GFM1: variants seen among roughly 807,000 people sequenced by gnomAD.
The protein encoded by GFM1 is G elongation factor mitochondrial 1, also known as elongation factor G, mitochondrial.
Under a neutral mutation model 96.2 loss-of-function variants are expected in GFM1, and 62 were observed. The ratio of observed to expected loss-of-function variants is 0.64; its 90% CI spans 0.53 to 0.80. The LOEUF is 0.80. Ranked by LOEUF, GFM1 falls within the 30% of genes least tolerant of loss-of-function variation. The probability of loss-of-function intolerance (pLI) is 0.00; values close to 1 mark genes in which losing one functional copy is unlikely to be tolerated. For synonymous variants in GFM1, 282 were observed against 312.9 expected (o/e 0.90, Z 1.04); for missense variants, 852 against 916.6 (o/e 0.93, Z 0.91).
intron 15 of GFM1, among the ~76,000 whole-genome samples, chr3:158,689,675 G>C (rs1262916913): frequency 6.6e-6 from 1 of 151,520 alleles, no homozygotes; most frequent in Non-Finnish European, 1.5e-5. Context: ...GCTGAGGCAG[G>C]AGAATTGCTT....
intron 13 of GFM1, among the ~76,000 whole-genome samples, chr3:158,675,251 A>G (rs2108078401): frequency 7.4e-6 from 1 of 135,020 alleles, no homozygotes; most frequent in Non-Finnish European, 1.5e-5. Flanking sequence ...ATGCCACTGC[A>G]CTCCAGCCTG....
chr3:158,688,492 C>A (rs1352762977), intron 15 of GFM1, among the ~76,000 whole-genome samples: 1 of 152,144 alleles, frequency 6.6e-6, no homozygotes, highest in Non-Finnish European at 1.5e-5. Context: ...TTCCCTTTAC[C>A]CTTTCACAAT....
rs1726443948 is a variant in GFM1 at position 158,693,597 on chromosome 3, A to C, written c.*2130A>C. On this transcript the variant is annotated 3_prime_UTR_variant, in exon 18 of 18. Transcript: ENST00000486715. Reference sequence around the variant, plus strand: ...TATAGTTGGCAAAGATCACATACCAACCAAAGTCTGTAGCATGGAAAAAAA... The same window carrying C: ...TATAGTTGGCAAAGATCACATACCACCCAAAGTCTGTAGCATGGAAAAAAA... 1 of 152,178 alleles carries C rather than the reference A, an allele frequency of 6.6e-6. No individual in the cohort carries two copies. Among genetic ancestry groups the C allele is most frequent in the South Asian group, 2.1e-4 (1 of 4,824 alleles). The allele number at this position is 152,178 out of a possible 1,614,324, so 9.4% of individuals were successfully genotyped here. A position where few individuals can be genotyped will look rare whatever the true frequency, so the allele number is the denominator to read the frequency against.
chr3:158,666,462 C>A, intron 13 of GFM1, 76 bp downstream of exon 13: 1 of 1,290,390 alleles, frequency 7.7e-7, no homozygotes, highest in Non-Finnish European at 1.1e-6. Flanking sequence ...ACCACTATTA[C>A]TGTTTTAAAG....
chr3:158,646,830 A>C lies in GFM1; in HGVS notation c.455A>C (p.Gln152Pro), dbSNP rs780319278. The C allele has an allele frequency of 3.1e-6, 5 of 1,614,082 alleles. No individual in the cohort carries two copies. Among genetic ancestry groups the C allele is most frequent in the Non-Finnish European group, 3.4e-6 (4 of 1,180,022 alleles). ...GTTCTCTGTGCTGTTGGAGGGGTAC[A>C]GTGCCAGACCATGACTGTCAATCGT... ...VLVLCAVGGV[Q>P]CQTMTVNRQM... Residue 152 changes from glutamine to proline, a missense_variant, in exon 4 of 18, where the codon CAG becomes CCG. By Grantham distance (76) the Gln-to-Pro change is moderately conservative. Transcript: ENST00000486715.
At chr3:158,653,969 G>T (rs1320183248) in intron 7 of GFM1, among the ~76,000 whole-genome samples, 1 of 152,024 alleles carries the variant, frequency 6.6e-6, no homozygotes, top group Non-Finnish European at 1.5e-5. Flanking sequence ...TACCCAGGAG[G>T]CTGAGGCAGG....
chr3:158,657,461 A>G (rs1274537168), intron 8 of GFM1: 1 of 152,228 alleles, frequency 6.6e-6, no homozygotes, highest in African/African-American at 2.4e-5. Context: ...GATTTAACAA[A>G]TGAAGAATTC....
chr3:158,687,249 G>A (rs1437612732), intron 15 of GFM1, among the ~76,000 whole-genome samples: 12 of 151,724 alleles, frequency 7.9e-5, no homozygotes, highest in African/African-American at 2.4e-4. Context: ...GGGCTCAAGC[G>A]ATCCTCCTGC....
intron 5 of GFM1, 64 bp downstream of exon 5, chr3:158,649,221 A>T: frequency 1.3e-6 from 1 of 759,456 alleles, no homozygotes; most frequent in Non-Finnish European, 2.4e-6. Flanking sequence ...GAAGGAAAGG[A>T]TAAGTTCATC....
At chr3:158,664,310 C>G (rs758754889) in intron 11 of GFM1, among the ~76,000 whole-genome samples, 2 of 152,202 alleles carry the variant, frequency 1.3e-5, no homozygotes, top group African/African-American at 2.4e-5. Flanking sequence ...GATAGCTGTT[C>G]TCAAAGGGCT....
rs564605159 is a variant in GFM1, at chr3:158,672,250, G to A, written c.1601+5864G>A. 1.9e-4 allele frequency: 276 copies of A among 1,447,342 alleles called. 4 individuals carry two copies. In the South Asian group the frequency reaches 2.8e-3, roughly 15 times the overall value. The allele number at this position is 1,447,342 out of a possible 1,614,324, so 89.7% of individuals were successfully genotyped here. ...GTCCTAAAACAGAAGGTGGGTAGGGGGTGGCACGGAGTGTCTGCACCCAAA... is the reference window on the plus strand; with the variant it reads ...GTCCTAAAACAGAAGGTGGGTAGGGAGTGGCACGGAGTGTCTGCACCCAAA... On this transcript the variant is annotated intron_variant, in intron 13 of 17. Transcript: ENST00000486715.
At position 158,646,853 on chromosome 3, in the gene GFM1, C is replaced by T. The variant is rs1461176341; in HGVS notation, c.478C>T (p.Arg160Cys). Residue 160 changes from arginine (R) to cysteine (C), a missense_variant, in exon 4 of 18, where the codon CGT becomes TGT. Physicochemically the swap from Arg to Cys is radical, Grantham distance 180 (BLOSUM62 -3). Coordinates refer to ENST00000486715, the MANE Select transcript of GFM1 (RefSeq NM_024996.7). ...ACAGTGCCAGACCATGACTGTCAAT[C>T]GTCAGATGAAGCGCTACAACGTTCC... The part of the protein sequence containing the change: ...GVQCQTMTVN[R>C]QMKRYNVPFL... 9 of 1,614,006 alleles carry T rather than the reference C, an allele frequency of 5.6e-6. No homozygotes were observed. Among genetic ancestry groups the T allele is most frequent in the Admixed American group, 1.7e-5 (1 of 60,004 alleles).
chr3:158,650,119 G>C, intron 5 of GFM1: 1 of 1,385,942 alleles, frequency 7.2e-7, no homozygotes, highest in Non-Finnish European at 9.9e-7. Flanking sequence ...CAGCCATCTT[G>C]TAAGCAGGAA....
At chr3:158,658,075 A>T (rs969101121) in intron 8 of GFM1, among the ~76,000 whole-genome samples, 1 of 151,776 alleles carries the variant, frequency 6.6e-6, no homozygotes, top group African/African-American at 2.4e-5. Context: ...TGTTAAGCCT[A>T]TAATTAACAT....
rs1387294677 is a variant in GFM1, at chr3:158,653,356, T to A, written c.887T>A (p.Phe296Tyr). The change falls in exon 7 of 18, where the codon TTT becomes TAT. Residue 296 changes from phenylalanine to tyrosine, a missense_variant. By Grantham distance (22) the Phe-to-Tyr change is conservative. Transcript: ENST00000486715. ...CTGAAAAGATCATTTACTCCTGTAT[T>A]TTTGGGAAGCGCCTTGAAGAACAAA... ...ATLKRSFTPV[F>Y]LGSALKNKGV... The A allele has an allele frequency of 6.2e-7, 1 of 1,613,792 alleles. No homozygotes were observed. Among genetic ancestry groups the A allele is most frequent in the Non-Finnish European group, 8.5e-7 (1 of 1,179,788 alleles).
chr3:158,645,264 AAAATT>A (rs1721675506), intron 1 of GFM1, among the ~76,000 whole-genome samples: 1 of 152,216 alleles, frequency 6.6e-6, no homozygotes, highest in Non-Finnish European at 1.5e-5. Context: ...GAAAGGGAAA[AAAATT>A]AAGTTAAATT....
Position 158,693,220 on chromosome 3 carries a change from T to C in GFM1, c.*1753T>C, listed in dbSNP as rs1317819843. ...AGCATCAGGTCTGAAAAAATGTGGTTGCTTTGGCATTTCCTCAGCATCTTG... is the reference window on the plus strand; with the variant it reads ...AGCATCAGGTCTGAAAAAATGTGGTCGCTTTGGCATTTCCTCAGCATCTTG... On this transcript the variant is annotated 3_prime_UTR_variant, in exon 18 of 18. Coordinates refer to ENST00000486715, the MANE Select transcript of GFM1 (RefSeq NM_024996.7). 6.6e-6 allele frequency: 1 copy of C among 152,208 alleles called. No homozygotes were observed. The highest frequency in any genetic ancestry group is 2.4e-5 in the African/African-American group (1 of 41,458). The allele number at this position is 152,208 out of a possible 1,614,324, so 9.4% of individuals were successfully genotyped here.
intron 13 of GFM1, among the ~76,000 whole-genome samples, chr3:158,671,187 C>G (rs1724263335): frequency 6.6e-5 from 10 of 152,146 alleles, no homozygotes; most frequent in Admixed American, 6.5e-4. Flanking sequence ...TCTAATTTAG[C>G]AAGTCCCCTA....
rs779356340 is a variant in GFM1, at chr3:158,691,442, T to G, written c.2231T>G (p.Val744Gly). 2.5e-6 allele frequency: 4 copies of G among 1,613,678 alleles called. No individual in the cohort carries two copies. In the South Asian group the frequency reaches 4.4e-5, roughly 18 times the overall value. Residue 744 changes from valine to glycine, a missense_variant, in exon 18 of 18, where the codon GTT becomes GGT. Transcript: ENST00000486715. ...KYLEATGQLP[V>G]KKGKAKN ...TTGGAAGCTACAGGTCAACTTCCTG[T>G]TAAAAAAGGAAAAGCCAAGAACTAA...
Sources: gnomAD v4.1 joint callset for allele counts (sites outside exome capture counted in the v4.1 genomes callset) on GRCh38, gnomAD v4.1.1 for gene constraint, MANE v1.5 for transcripts, NCBI Gene and HGNC (gene_info 2026-07-23, HGNC 2026-07-21) for gene names.